ORC4: variants seen among roughly 807,000 people sequenced by gnomAD.
ORC4 encodes origin recognition complex subunit 4.
ORC4 carries 55 observed loss-of-function variants against 63.9 expected under a neutral mutation model. The observed-to-expected ratio is 0.86, with a 90% CI of 0.69 to 1.08. The LOEUF (loss-of-function observed/expected upper bound fraction) is 1.08. Ranked by LOEUF, ORC4 falls within the 50% of genes least tolerant of loss-of-function variation. The pLI, the probability that ORC4 is intolerant of heterozygous loss-of-function variation, is 0.00. For synonymous variants in ORC4, 150 were observed against 168.5 expected (o/e 0.89, Z 0.85); for missense variants, 511 against 504.4 (o/e 1.01, Z -0.13).
At chr2:147,952,637 T>C (rs2105298720) in intron 7 of ORC4, 113 bp from the exon 8 acceptor site, 6 of 803,998 alleles carry the variant, frequency 7.5e-6, no homozygotes, top group South Asian at 1.5e-5. Flanking sequence ...AACATTCTGA[T>C]AGCCTACTTT....
At chr2:147,983,845 T>C (rs1381981278) in intron 1 of ORC4, among the ~76,000 whole-genome samples, 2 of 152,104 alleles carry the variant, frequency 1.3e-5, no homozygotes, top group Non-Finnish European at 2.9e-5. Flanking sequence ...ATATGGGTCT[T>C]AGAGAAATTC....
Position 147,972,774 on chromosome 2 carries a change from G to A in ORC4, c.190C>T (p.Leu64Phe). Reference protein sequence around the residue: ...TALHGESNSVLIIGPRGSGKT... With the variant: ...TALHGESNSVFIIGPRGSGKT... ...CCTGATCCTCGGGGTCCGATAATAA[G>A]GACAGAGTTACTCTCTCCATGGAGA... is the stretch of plus-strand genomic sequence containing the variant. Residue 64 changes from leucine (L) to phenylalanine (F), a missense_variant, in exon 4 of 14, where the codon CTT (leucine) becomes TTT (phenylalanine). Coordinates refer to ENST00000392857, the MANE Select transcript of ORC4 (RefSeq NM_181741.4). 6.2e-7 allele frequency: 1 copy of A among 1,612,054 alleles called. No individual in the cohort carries two copies. Among genetic ancestry groups the A allele is most frequent in the Non-Finnish European group, 8.5e-7 (1 of 1,178,632 alleles).
intron 4 of ORC4, among the ~76,000 whole-genome samples, chr2:147,967,307 C>T (rs1573807128): frequency 1.3e-5 from 2 of 151,944 alleles, no homozygotes; most frequent in Admixed American, 1.3e-4. Flanking sequence ...CATTCTTATT[C>T]AATATAGTAC....
Position 147,935,391 on chromosome 2 carries a change from G to A in ORC4, c.*119C>T. ...CACAGCCAAGACAGTAGATGGGCAAGTCTCACATAAATACAAGAATGTTTA... is the reference window on the plus strand; with the variant it reads ...CACAGCCAAGACAGTAGATGGGCAAATCTCACATAAATACAAGAATGTTTA... On this transcript the variant is annotated 3_prime_UTR_variant, in exon 14 of 14. Coordinates refer to ENST00000392857, the MANE Select transcript of ORC4 (RefSeq NM_181741.4). The A allele has an allele frequency of 1.3e-6, 1 of 774,510 alleles. No homozygotes were observed. Among genetic ancestry groups the A allele is most frequent in the Non-Finnish European group, 2.2e-6 (1 of 449,004 alleles). 48.0% of individuals were successfully genotyped at this position (774,510 alleles called of 1,614,324 possible). A position where few individuals can be genotyped will look rare whatever the true frequency, so the allele number is the denominator to read the frequency against.
rs1689006807 is a variant in ORC4 at position 147,952,429 on chromosome 2, C to CA, written c.531dup (p.Asp178Ter). The CA allele has an allele frequency of 6.2e-7, 1 of 1,610,508 alleles. No individual in the cohort carries two copies. The highest frequency in any genetic ancestry group is 1.3e-5 in the African/African-American group (1 of 74,802). On this transcript the variant is annotated frameshift_variant, in exon 8 of 14. Coordinates refer to ENST00000392857, the MANE Select transcript of ORC4 (RefSeq NM_181741.4). LOFTEE classifies it high-confidence loss of function. ...GGGGTCTGTGCAGACTGAGAAATGT[C>CA]AAAAAGATTATAGAGAAGTGTTTGG...
chr2:147,953,608 AGAT>A (rs1689086279), intron 7 of ORC4, among the ~76,000 whole-genome samples: 2 of 152,198 alleles, frequency 1.3e-5, no homozygotes, highest in Non-Finnish European at 2.9e-5. Flanking sequence ...ACAAACTTGT[AGAT>A]TATAAAGTTC....
intron 1 of ORC4, among the ~76,000 whole-genome samples, chr2:147,984,595 C>T (rs1691083715): frequency 6.6e-6 from 1 of 152,074 alleles, no homozygotes; most frequent in South Asian, 2.1e-4. Flanking sequence ...AGGAAATTCT[C>T]ATTACTGCAG....
In ORC4 at chr2:147,931,516, CTGT is replaced by C. The variant is rs1687734241; in HGVS notation, c.*3991_*3993del. The stretch of plus-strand genomic sequence containing the variant: ...TATTTCTCCACATCCTCTCCAGCAC[CTGT>C]TGTTTCCTGACTTTTTAATGATTGC... On this transcript the variant is annotated 3_prime_UTR_variant, in exon 14 of 14. Transcript: ENST00000392857. 6.6e-6 allele frequency: 1 copy of C among 152,036 alleles called. No individual in the cohort carries two copies. The highest frequency in any genetic ancestry group is 1.5e-5 in the Non-Finnish European group (1 of 68,016). 9.4% of individuals were successfully genotyped at this position (152,036 alleles called of 1,614,324 possible).
At chr2:148,012,438 A>C (rs1693027156) in intron 1 of ORC4, among the ~76,000 whole-genome samples, 1 of 152,198 alleles carries the variant, frequency 6.6e-6, no homozygotes, top group Non-Finnish European at 1.5e-5. Flanking sequence ...TGCCATATAC[A>C]AAAATCAAAG....
rs1415666743 is a variant in ORC4, at chr2:147,930,721, C to T, written c.*4789G>A. ...AGTATTTAACAGAAAGCTTAAAATC[C>T]CCATAAAACCCCACCTTGGATAAGT... is the stretch of plus-strand genomic sequence containing the variant. On this transcript the variant is annotated 3_prime_UTR_variant, in exon 14 of 14. Coordinates refer to ENST00000392857, the MANE Select transcript of ORC4 (RefSeq NM_181741.4). 6.6e-6 allele frequency: 1 copy of T among 152,274 alleles called. No homozygotes were observed. The highest frequency in any genetic ancestry group is 6.6e-5 in the Admixed American group (1 of 15,200). 9.4% of individuals were successfully genotyped at this position (152,274 alleles called of 1,614,324 possible).
chr2:147,934,378 G>A lies in ORC4; in HGVS notation c.*1132C>T, dbSNP rs1049768251. The A allele has an allele frequency of 6.6e-6, 1 of 152,110 alleles. No individual in the cohort carries two copies. Among genetic ancestry groups the A allele is most frequent in the East Asian group, 1.9e-4 (1 of 5,194 alleles). The allele number at this position is 152,110 out of a possible 1,614,324, so 9.4% of individuals were successfully genotyped here. On this transcript the variant is annotated 3_prime_UTR_variant, in exon 14 of 14. Transcript: ENST00000392857. ...CATGGATCTTGGAACTTACTTAAAAGACAATGCTTTGACGGACATTTCCAC... is the reference window on the plus strand; with the variant it reads ...CATGGATCTTGGAACTTACTTAAAAAACAATGCTTTGACGGACATTTCCAC...
intron 1 of ORC4, among the ~76,000 whole-genome samples, chr2:147,979,463 T>TC (rs1413155913): frequency 1.3e-5 from 2 of 152,214 alleles, no homozygotes; most frequent in Admixed American, 1.3e-4. Flanking sequence ...GGAAATATAC[T>TC]CCATGTTCAT....
chr2:147,954,481 C>G (rs937192720), intron 7 of ORC4, among the ~76,000 whole-genome samples: 13 of 152,068 alleles, frequency 8.5e-5, no homozygotes, highest in African/African-American at 3.1e-4. Flanking sequence ...AACTGTAACA[C>G]AATGCGAAGT....
rs772083404 is a variant in ORC4, at chr2:147,938,296, A to G, written c.1054+2T>C. 1 of 1,595,466 alleles carries G rather than the reference A, an allele frequency of 6.3e-7. No homozygotes were observed. Among genetic ancestry groups the G allele is most frequent in the South Asian group, 1.1e-5 (1 of 90,700 alleles). ...AAAAAAGCTACTTAAGTCTCATCTC[A>G]CCATTATAGACCATTTGAAAATTAA... On this transcript the variant is annotated splice_donor_variant, in intron 12 of 13. Coordinates refer to ENST00000392857, the MANE Select transcript of ORC4 (RefSeq NM_181741.4). LOFTEE classifies it high-confidence loss of function.
At chr2:148,013,866 C>CA (rs1385254387) in intron 1 of ORC4, among the ~76,000 whole-genome samples, 4 of 151,952 alleles carry the variant, frequency 2.6e-5, no homozygotes, top group African/African-American at 9.7e-5. Context: ...CTGACGCCAA[C>CA]AAAAAAACTA....
At chr2:147,965,850 A>G (rs1192959593) in intron 4 of ORC4, among the ~76,000 whole-genome samples, 1 of 152,196 alleles carries the variant, frequency 6.6e-6, no homozygotes, top group African/African-American at 2.4e-5. Context: ...ATTTTTTTAA[A>G]AAAAGCAAAA....
At chr2:147,969,371 C>T (rs1477392390) in intron 4 of ORC4, among the ~76,000 whole-genome samples, 1 of 151,980 alleles carries the variant, frequency 6.6e-6, no homozygotes, top group Non-Finnish European at 1.5e-5. Context: ...ACACTATATG[C>T]ATCAAAACAT....
At chr2:147,994,651 T>G (rs1364523434) in intron 1 of ORC4, among the ~76,000 whole-genome samples, 1 of 152,194 alleles carries the variant, frequency 6.6e-6, no homozygotes, top group African/African-American at 2.4e-5. Flanking sequence ...AAAACATGAA[T>G]TGACACAGAC....
chr2:147,969,737 G>T (rs185395748), intron 4 of ORC4, among the ~76,000 whole-genome samples: 2 of 151,896 alleles, frequency 1.3e-5, no homozygotes, highest in South Asian at 2.1e-4. Context: ...AAAAATGAAA[G>T]AATATTCAAA....
Sources: allele counts gnomAD v4.1 joint callset (sites outside exome capture counted in the v4.1 genomes callset), GRCh38; gene constraint gnomAD v4.1.1; transcripts MANE v1.5; gene names NCBI Gene and HGNC (gene_info 2026-07-23, HGNC 2026-07-21).